The following VN1R2 variants were observed in gnomAD, a reference collection of about 807,000 sequenced individuals.
VN1R2 encodes vomeronasal 1 receptor 2.
For synonymous variants in VN1R2, 160 were observed against 173.1 expected, an observed-to-expected ratio of 0.92 and a Z score of 0.59; for missense variants, 418 against 452.4, an observed-to-expected ratio of 0.92 and a Z score of 0.69.
Position 53,259,355 on chromosome 19 carries a change from G to T in VN1R2, c.980G>T (p.Cys327Phe). ...GCATTGGTGAGCACCTTTGCATTAT[G>T]TTACGCCCTTTCCTTCATCACCTAC... The part of the protein sequence containing the change: ...ILALVSTFAL[C>F]YALSFITYVY... The change falls in exon 1 of 1, where the codon TGT becomes TTT. Residue 327 changes from cysteine to phenylalanine, a missense_variant. Coordinates refer to ENST00000341702, the MANE Select transcript of VN1R2 (RefSeq NM_173856.2). The T allele has an allele frequency of 6.2e-7, 1 of 1,614,140 alleles. No homozygotes were observed. Among genetic ancestry groups the T allele is most frequent in the Non-Finnish European group, 8.5e-7 (1 of 1,180,008 alleles).
In VN1R2 at chr19:53,259,456, A is replaced by G. The variant is rs765829163; in HGVS notation, c.1081A>G (p.Thr361Ala). 5.6e-6 allele frequency: 9 copies of G among 1,614,070 alleles called. No individual in the cohort carries two copies. The highest frequency in any genetic ancestry group is 4.5e-5 in the East Asian group (2 of 44,896). The change falls in exon 1 of 1, where the codon ACT becomes GCT. Residue 361 changes from threonine to alanine, a missense_variant. Coordinates refer to ENST00000341702, the MANE Select transcript of VN1R2 (RefSeq NM_173856.2). ...TAALIIACFP[T>A]ISPFVLMCRD... is the part of the protein sequence containing the mutation. Reference sequence around the variant, plus strand: ...TGCACTAATCATTGCCTGTTTTCCAACTATTAGCCCTTTTGTTCTCATGTG... The same window carrying G: ...TGCACTAATCATTGCCTGTTTTCCAGCTATTAGCCCTTTTGTTCTCATGTG...
rs374706531 is a variant in VN1R2 at position 53,259,534 on chromosome 19, C to A, written c.1159C>A (p.Arg387=). ...LCSICCRRNR[R]FFHDFRKM ...CAGTATCTGCTGCAGAAGAAATAGA[C>A]GATTCTTTCATGATTTCAGGAAAAT... is the stretch of plus-strand genomic sequence containing the variant. Residue 387 remains arginine (R), a synonymous_variant, in exon 1 of 1, where the codon CGA becomes AGA. Transcript: ENST00000341702. The A allele has an allele frequency of 1.2e-6, 2 of 1,610,896 alleles. No individual in the cohort carries two copies. Among genetic ancestry groups the A allele is most frequent in the Admixed American group, 1.7e-5 (1 of 59,492 alleles).
Position 53,259,426 on chromosome 19 carries a change from A to G in VN1R2, c.1051A>G (p.Thr351Ala). ...TAATTCCAGTTGGTGGCTAGTGAAC[A>G]CTGCTGCACTAATCATTGCCTGTTT... ...FDNSSWWLVN[T>A]AALIIACFPT... Residue 351 changes from threonine (T) to alanine (A), a missense_variant, in exon 1 of 1, where the codon ACT (threonine) becomes GCT (alanine). Transcript: ENST00000341702. 1 of 1,614,178 alleles carries G rather than the reference A, an allele frequency of 6.2e-7. No individual in the cohort carries two copies. Among genetic ancestry groups the G allele is most frequent in the Non-Finnish European group, 8.5e-7 (1 of 1,180,032 alleles).
chr19:53,259,185 T>C lies in VN1R2; in HGVS notation c.810T>C (p.Asp270=), dbSNP rs762898888. Residue 270 remains aspartate, a synonymous_variant, in exon 1 of 1, where the codon GAT becomes GAC. Coordinates refer to ENST00000341702, the MANE Select transcript of VN1R2 (RefSeq NM_173856.2). ...SVYAALTSFH[D]VLCLGLMLWA... ...ATGCAGCATTGACATCCTTCCATGA[T>C]GTTTTGTGTCTGGGGCTCATGCTCT... The C allele has an allele frequency of 6.2e-7, 1 of 1,614,142 alleles. No homozygotes were observed.
chr19:53,258,415 C>G lies in VN1R2; in HGVS notation c.40C>G (p.Pro14Ala), dbSNP rs189749880. 1.4e-5 allele frequency: 10 copies of G among 737,974 alleles called. No individual in the cohort carries two copies. The highest frequency in any genetic ancestry group is 1.2e-4 in the African/African-American group (7 of 57,542). 45.7% of individuals were successfully genotyped at this position (737,974 alleles called of 1,614,324 possible). The change falls in exon 1 of 1, where the codon CCA becomes GCA. Residue 14 changes from proline (P) to alanine (A), a missense_variant. Physicochemically the swap from Pro to Ala is conservative, Grantham distance 27. Coordinates refer to ENST00000341702, the MANE Select transcript of VN1R2 (RefSeq NM_173856.2). ...TLYPTPFALYPINISAAWHLG... is the reference protein window; with the variant it reads ...TLYPTPFALYAINISAAWHLG... Reference sequence around the variant, plus strand: ...TTACCCTACCCCTTTTGCTTTGTATCCAATAAATATCAGCGCAGCCTGGCA... The same window carrying G: ...TTACCCTACCCCTTTTGCTTTGTATGCAATAAATATCAGCGCAGCCTGGCA...
chr19:53,258,793 C>T lies in VN1R2; in HGVS notation c.418C>T (p.Leu140=), dbSNP rs201896612. 25 of 1,614,012 alleles carry T rather than the reference C, an allele frequency of 1.5e-5. No homozygotes were observed. The Admixed American group carries it at 2.8e-4, about 18-fold the overall frequency. ...GACTGTAGCTGACTCCTTGGTTATC[C>T]TATCTAAAAGAATCCCAGAGACCAT... ...HLTVADSLVI[L]SKRIPETMAT... Residue 140 remains leucine, a synonymous_variant, in exon 1 of 1, where the codon CTA becomes TTA. Coordinates refer to ENST00000341702, the MANE Select transcript of VN1R2 (RefSeq NM_173856.2).
In VN1R2 at chr19:53,259,088, A is replaced by G. The variant is rs1315807335; in HGVS notation, c.713A>G (p.Asn238Ser). 1.2e-6 allele frequency: 2 copies of G among 1,614,088 alleles called. No homozygotes were observed. Among genetic ancestry groups the G allele is most frequent in the African/African-American group, 2.7e-5 (2 of 74,916 alleles). The part of the protein sequence containing the change: ...PIYTTGKWSN[N>S]NITKKGDLGY... ...TATACAACTGGCAAATGGAGCAACAACAACATCACAAAGAAAGGAGATTTG... is the reference window on the plus strand; with the variant it reads ...TATACAACTGGCAAATGGAGCAACAGCAACATCACAAAGAAAGGAGATTTG... Residue 238 changes from asparagine (N) to serine (S), a missense_variant, in exon 1 of 1, where the codon AAC becomes AGC. Coordinates refer to ENST00000341702, the MANE Select transcript of VN1R2 (RefSeq NM_173856.2).
chr19:53,259,029 C>A lies in VN1R2; in HGVS notation c.654C>A (p.Ala218=), dbSNP rs61740020. 1.3e-3 allele frequency: 2,030 copies of A among 1,614,110 alleles called. 15 individuals carry two copies. In the African/African-American group the frequency reaches 0.02, roughly 16 times the overall value. Residue 218 remains alanine, a synonymous_variant, in exon 1 of 1, where the codon GCC becomes GCA. Transcript: ENST00000341702. Reference sequence around the variant, plus strand: ...GTCTCTCCAATATCCTGTGCTGGGCCTTCCACATGCTGGTAAATGCCATTT... The same window carrying A: ...GTCTCTCCAATATCCTGTGCTGGGCATTCCACATGCTGGTAAATGCCATTT... The part of the protein sequence containing the change: ...YIGLSNILCW[A]FHMLVNAIFP...
Position 53,259,279 on chromosome 19 carries a change from A to G in VN1R2, c.904A>G (p.Asn302Asp). 6.2e-7 allele frequency: 1 copy of G among 1,614,180 alleles called. No homozygotes were observed. Among genetic ancestry groups the G allele is most frequent in the Non-Finnish European group, 8.5e-7 (1 of 1,180,032 alleles). Residue 302 changes from asparagine (N) to aspartate (D), a missense_variant, in exon 1 of 1, where the codon AAT becomes GAT. Asn to Asp is a conservative substitution (Grantham distance 23). Transcript: ENST00000341702. ...KQQVQHICRN[N>D]LYPNSSPGNR... Reference sequence around the variant, plus strand: ...GCAGGTACAACACATCTGTAGGAACAATCTCTACCCCAACTCTTCTCCTGG... The same window carrying G: ...GCAGGTACAACACATCTGTAGGAACGATCTCTACCCCAACTCTTCTCCTGG...
In VN1R2 at chr19:53,258,682, G is replaced by C. The variant is rs1181886014; in HGVS notation, c.307G>C (p.Gly103Arg). ...TLFQVVVGIL[G>R]NFSLLYYYMF... Reference sequence around the variant, plus strand: ...ATTCCAGGTAGTTGTTGGAATCCTGGGGAATTTTTCACTCTTATATTATTA... The same window carrying C: ...ATTCCAGGTAGTTGTTGGAATCCTGCGGAATTTTTCACTCTTATATTATTA... The change falls in exon 1 of 1, where the codon GGG (glycine) becomes CGG (arginine). Residue 103 changes from glycine (G) to arginine (R), a missense_variant. Coordinates refer to ENST00000341702, the MANE Select transcript of VN1R2 (RefSeq NM_173856.2). 1 of 1,613,972 alleles carries C rather than the reference G, an allele frequency of 6.2e-7. No homozygotes were observed. The highest frequency in any genetic ancestry group is 1.3e-5 in the African/African-American group (1 of 74,992).
rs374144136 is a variant in VN1R2 at position 53,259,484 on chromosome 19, G to A, written c.1109G>A (p.Arg370His). ...PTISPFVLMC[R>H]DPSRSRLCSI... ...ATTAGCCCTTTTGTTCTCATGTGCC[G>A]TGACCCCAGCAGATCCAGGCTCTGC... The change falls in exon 1 of 1, where the codon CGT becomes CAT. Residue 370 changes from arginine to histidine, a missense_variant. By Grantham distance (29) the Arg-to-His change is conservative. Transcript: ENST00000341702. 4.5e-5 allele frequency: 73 copies of A among 1,614,096 alleles called. No individual in the cohort carries two copies. Among genetic ancestry groups the A allele is most frequent in the African/African-American group, 1.5e-4 (11 of 75,024 alleles).
At position 53,258,561 on chromosome 19, in the gene VN1R2, T is replaced by C. The variant is rs766923664; in HGVS notation, c.186T>C (p.Phe62=). ...VVVVPQTQLS[F]LSSLCLVSLF... ...TGGTCCCCCAGACACAGCTGTCTTTTCTTTCATCTCTTTGTCTTGTGTCTT... is the reference window on the plus strand; with the variant it reads ...TGGTCCCCCAGACACAGCTGTCTTTCCTTTCATCTCTTTGTCTTGTGTCTT... The change falls in exon 1 of 1, where the codon TTT becomes TTC. Residue 62 remains phenylalanine, a synonymous_variant. Coordinates refer to ENST00000341702, the MANE Select transcript of VN1R2 (RefSeq NM_173856.2). 8.4e-6 allele frequency: 13 copies of C among 1,551,920 alleles called. No individual in the cohort carries two copies. Among genetic ancestry groups the C allele is most frequent in the South Asian group, 1.2e-5 (1 of 84,888 alleles).
At position 53,258,458 on chromosome 19, in the gene VN1R2, T is replaced by C. The variant is rs1465982792; in HGVS notation, c.83T>C (p.Val28Ala). The C allele has an allele frequency of 2.2e-6, 2 of 903,614 alleles. No homozygotes were observed. The highest frequency in any genetic ancestry group is 4.0e-5 in the Admixed American group (2 of 50,054). 56.0% of individuals were successfully genotyped at this position (903,614 alleles called of 1,614,324 possible). The change falls in exon 1 of 1, where the codon GTC becomes GCC. Residue 28 changes from valine to alanine, a missense_variant. Physicochemically the swap from Val to Ala is moderately conservative, Grantham distance 64 (BLOSUM62 0). Transcript: ENST00000341702. ...GCCTGGCATTTGGGGCCACTACCAG[T>C]CTCCTGCTTTGTATCCAATAAATAT... The part of the protein sequence containing the change: ...SAAWHLGPLP[V>A]SCFVSNKYQC...
chr19:53,259,115 G>C lies in VN1R2; in HGVS notation c.740G>C (p.Gly247Ala). 5 of 1,614,146 alleles carry C rather than the reference G, an allele frequency of 3.1e-6. No homozygotes were observed. The highest frequency in any genetic ancestry group is 3.4e-6 in the Non-Finnish European group (4 of 1,180,036). Residue 247 changes from glycine to alanine, a missense_variant, in exon 1 of 1, where the codon GGA (glycine) becomes GCA (alanine). Physicochemically the swap from Gly to Ala is moderately conservative, Grantham distance 60. Coordinates refer to ENST00000341702, the MANE Select transcript of VN1R2 (RefSeq NM_173856.2). ...AACATCACAAAGAAAGGAGATTTGG[G>C]ATATTGTTCTGCCCCACTTAGTGAT... Reference protein sequence around the residue: ...NNNITKKGDLGYCSAPLSDEV... With the variant: ...NNNITKKGDLAYCSAPLSDEV...
In VN1R2 at chr19:53,258,731, A is replaced by G. The variant is rs748858137; in HGVS notation, c.356A>G (p.Tyr119Cys). 5 of 1,613,932 alleles carry G rather than the reference A, an allele frequency of 3.1e-6. No individual in the cohort carries two copies. The highest frequency in any genetic ancestry group is 4.2e-6 in the Non-Finnish European group (5 of 1,179,970). The change falls in exon 1 of 1, where the codon TAC becomes TGC. Residue 119 changes from tyrosine (Y) to cysteine (C), a missense_variant. By Grantham distance (194) the Tyr-to-Cys change is radical. Transcript: ENST00000341702. ...TATATGTTCCTTTACTTTAGGGGAT[A>G]CAAGCCAAGATCCACAGATTTGATT... Reference protein sequence around the residue: ...YYYMFLYFRGYKPRSTDLILR... With the variant: ...YYYMFLYFRGCKPRSTDLILR...
chr19:53,259,035 C>A lies in VN1R2; in HGVS notation c.660C>A (p.His220Gln). Residue 220 changes from histidine to glutamine, a missense_variant, in exon 1 of 1, where the codon CAC becomes CAA. His to Gln is a conservative substitution (Grantham distance 24). Transcript: ENST00000341702. Reference sequence around the variant, plus strand: ...CCAATATCCTGTGCTGGGCCTTCCACATGCTGGTAAATGCCATTTTTCCTA... The same window carrying A: ...CCAATATCCTGTGCTGGGCCTTCCAAATGCTGGTAAATGCCATTTTTCCTA... The part of the protein sequence containing the change: ...GLSNILCWAF[H>Q]MLVNAIFPIY... The A allele has an allele frequency of 1.2e-6, 2 of 1,614,158 alleles. No individual in the cohort carries two copies. The highest frequency in any genetic ancestry group is 1.7e-6 in the Non-Finnish European group (2 of 1,180,026).
rs1179753957 is a variant in VN1R2 at position 53,258,379 on chromosome 19, A to T, written c.4A>T (p.Thr2Ser). 2 of 693,664 alleles carry T rather than the reference A, an allele frequency of 2.9e-6. No homozygotes were observed. Among genetic ancestry groups the T allele is most frequent in the Admixed American group, 4.3e-5 (2 of 46,774 alleles). The allele number at this position is 693,664 out of a possible 1,614,324, so 43.0% of individuals were successfully genotyped here. ...GTGACCTTACCTATCATTGGAGATG[A>T]CTCACACTCTTTACCCTACCCCTTT... is the stretch of plus-strand genomic sequence containing the variant. M[T>S]HTLYPTPFAL... Residue 2 changes from threonine to serine, a missense_variant, in exon 1 of 1, where the codon ACT (threonine) becomes TCT (serine). Physicochemically the swap from Thr to Ser is moderately conservative, Grantham distance 58. Transcript: ENST00000341702.
At position 53,259,137 on chromosome 19, in the gene VN1R2, T is replaced by G. The variant is rs926285877; in HGVS notation, c.762T>G (p.Ser254Arg). 6.2e-7 allele frequency: 1 copy of G among 1,614,156 alleles called. No individual in the cohort carries two copies. Among genetic ancestry groups the G allele is most frequent in the African/African-American group, 1.3e-5 (1 of 75,026 alleles). ...TGGGATATTGTTCTGCCCCACTTAG[T>G]GATGAAGTCACAAAGTCAGTATATG... ...GDLGYCSAPL[S>R]DEVTKSVYAA... The change falls in exon 1 of 1, where the codon AGT becomes AGG. Residue 254 changes from serine to arginine, a missense_variant. Coordinates refer to ENST00000341702, the MANE Select transcript of VN1R2 (RefSeq NM_173856.2).
In VN1R2 at chr19:53,259,441, A is replaced by G; in HGVS notation, c.1066A>G (p.Ile356Val). The G allele has an allele frequency of 1.9e-6, 3 of 1,614,152 alleles. No homozygotes were observed. The highest frequency in any genetic ancestry group is 2.2e-5 in the South Asian group (2 of 91,080). Reference sequence around the variant, plus strand: ...GCTAGTGAACACTGCTGCACTAATCATTGCCTGTTTTCCAACTATTAGCCC... The same window carrying G: ...GCTAGTGAACACTGCTGCACTAATCGTTGCCTGTTTTCCAACTATTAGCCC... The part of the protein sequence containing the change: ...WWLVNTAALI[I>V]ACFPTISPFV... Residue 356 changes from isoleucine to valine, a missense_variant, in exon 1 of 1, where the codon ATT (isoleucine) becomes GTT (valine). Ile to Val is a conservative substitution (Grantham distance 29, BLOSUM62 3). Transcript: ENST00000341702.
Sources: gnomAD v4.1 joint callset for allele counts on GRCh38, gnomAD v4.1.1 for gene constraint, MANE v1.5 for transcripts, NCBI Gene and HGNC (gene_info 2026-07-23, HGNC 2026-07-21) for gene names.